Variants in KLB observed in about 807,000 individuals in gnomAD.
KLB encodes the protein klotho beta.
In KLB, 44 loss-of-function variants were observed where a neutral mutation model predicts 88.4. That is an observed-to-expected ratio of 0.50 (90% CI 0.39 to 0.64). The LOEUF (loss-of-function observed/expected upper bound fraction) is 0.64, where lower values mean the gene tolerates loss of function less well. Among genes scored for constraint, KLB ranks in the 30% least tolerant of loss-of-function variants. The probability of loss-of-function intolerance (pLI) is 0.00; values close to 1 mark genes in which losing one functional copy is unlikely to be tolerated. For missense variants in KLB, 1,137 were observed against 1,304.8 expected, an observed-to-expected ratio of 0.87 and a Z score of 1.98; for synonymous variants, 548 against 513.4, an observed-to-expected ratio of 1.07 and a Z score of -0.91.
chr4:39,432,132 C>T (rs1420442414), intron 1 of KLB, among the ~76,000 whole-genome samples: 1 of 152,098 alleles, frequency 6.6e-6, no homozygotes, highest in East Asian at 1.9e-4. Flanking sequence ...ACTAAAAATA[C>T]AAAAATTAAC....
At position 39,448,692 on chromosome 4, in the gene KLB, T is replaced by C. The variant is rs530647446; in HGVS notation, c.*6T>C. On this transcript the variant is annotated 3_prime_UTR_variant, in exon 5 of 5. Coordinates refer to ENST00000257408, the MANE Select transcript of KLB (RefSeq NM_175737.4). ...GCAAGAGAGTTGTTAGCTAAACTGA[T>C]CTGTCTGCATGATAGACAGTTTAAA... 1 of 1,602,960 alleles carries C rather than the reference T, an allele frequency of 6.2e-7. No homozygotes were observed. The highest frequency in any genetic ancestry group is 1.1e-5 in the South Asian group (1 of 90,758).
intron 1 of KLB, among the ~76,000 whole-genome samples, chr4:39,417,082 T>C (rs930321060): frequency 7.0e-5 from 8 of 114,086 alleles, no homozygotes; most frequent in Non-Finnish European, 1.3e-4. Context: ...TCTGAAATTA[T>C]TTTCTTTAAT....
chr4:39,445,676 G>GTT (rs1297506631), intron 3 of KLB, among the ~76,000 whole-genome samples: 8 of 82,924 alleles, frequency 9.6e-5, no homozygotes, highest in African/African-American at 2.6e-4. Context: ...GGCTAATCTT[G>GTT]TTTTTTTGTT....
At chr4:39,409,473 G>T (rs1032932158) in intron 1 of KLB, among the ~76,000 whole-genome samples, 1 of 150,886 alleles carries the variant, frequency 6.6e-6, no homozygotes, top group African/African-American at 2.4e-5. Context: ...TGTGTTTTTA[G>T]TAGAGAGGGG....
chr4:39,444,148 A>G (rs998434353), intron 3 of KLB, among the ~76,000 whole-genome samples: 2 of 151,944 alleles, frequency 1.3e-5, no homozygotes, highest in South Asian at 4.2e-4. Flanking sequence ...CAAGAACAAA[A>G]CTCCGTCTCA....
chr4:39,423,306 A>G (rs1025811845), intron 1 of KLB, among the ~76,000 whole-genome samples: 3 of 151,896 alleles, frequency 2.0e-5, no homozygotes, highest in African/African-American at 7.3e-5. Flanking sequence ...AAATTTGCTG[A>G]CAGGTCCTCC....
intron 3 of KLB, among the ~76,000 whole-genome samples, chr4:39,445,223 G>T (rs1384127562): frequency 1.3e-5 from 2 of 152,104 alleles, no homozygotes; most frequent in African/African-American, 4.8e-5. Flanking sequence ...CACCTGTGAG[G>T]TGGGTGCGAT....
intron 1 of KLB, among the ~76,000 whole-genome samples, chr4:39,425,179 C>A (rs943622968): frequency 6.6e-6 from 1 of 152,190 alleles, no homozygotes; most frequent in African/African-American, 2.4e-5. Context: ...TGATTTCTTC[C>A]AATTTCTAAT....
At chr4:39,425,322 T>C (rs1001477171) in intron 1 of KLB, among the ~76,000 whole-genome samples, 2 of 152,264 alleles carry the variant, frequency 1.3e-5, no homozygotes, top group Non-Finnish European at 2.9e-5. Flanking sequence ...AAATCAGAAT[T>C]CTTTAACAGG....
Position 39,438,044 on chromosome 4 carries a change from A to T in KLB, c.1605+49A>T, listed in dbSNP as rs1170773674. 3.3e-6 allele frequency: 5 copies of T among 1,535,126 alleles called. No homozygotes were observed. In the East Asian group the frequency reaches 9.0e-5, roughly 28 times the overall value. On this transcript the variant is annotated intron_variant, in intron 3 of 4. Transcript: ENST00000257408. ...CCATAAACTGGGAAAAACAGTACAC[A>T]CTATTTCATTTACTCAATGACAGCT...
chr4:39,411,465 G>A (rs1483782134), intron 1 of KLB, among the ~76,000 whole-genome samples: 4 of 148,396 alleles, frequency 2.7e-5, no homozygotes, highest in African/African-American at 1.0e-4. Context: ...TCAGTCTCCC[G>A]TCAAAGCTGT....
In KLB at chr4:39,445,373, A is replaced by G. The variant is rs190557605; in HGVS notation, c.1606-959A>G. ...GTGTCAACCTTGGGAGTTTCTAGGGATAGTCTACTGTCCTTTCCACCCATA... is the reference window on the plus strand; with the variant it reads ...GTGTCAACCTTGGGAGTTTCTAGGGGTAGTCTACTGTCCTTTCCACCCATA... On this transcript the variant is annotated intron_variant, in intron 3 of 4. Transcript: ENST00000257408. Among the ~76,000 whole-genome samples, 96 of 152,280 alleles carry G rather than the reference A, an allele frequency of 6.3e-4. No individual in the cohort carries two copies. The East Asian group carries it at 8.7e-3, about 14-fold the overall frequency.
chr4:39,411,848 A>G (rs1250702187), intron 1 of KLB: 1 of 151,894 alleles, frequency 6.6e-6, no homozygotes, highest in East Asian at 2.0e-4. Flanking sequence ...AATAATATCT[A>G]TGTATTCTAA....
chr4:39,447,573 C>A (rs1743786380), intron 4 of KLB, 98 bp downstream of exon 4: 6 of 1,006,874 alleles, frequency 6.0e-6, no homozygotes, highest in African/African-American at 1.6e-5. Context: ...TGACAGCATC[C>A]AATTTGTGGC....
rs553478054 is a variant in KLB, at chr4:39,430,424, G to A, written c.826-3786G>A. Among the ~76,000 whole-genome samples the A allele has an allele frequency of 3.7e-4, 24 of 65,178 alleles. No individual in the cohort carries two copies. In the East Asian group the frequency reaches 4.0e-3, roughly 11 times the overall value. The allele number at this position is 65,178 out of a possible 152,430, so 42.8% of individuals were successfully genotyped here. On this transcript the variant is annotated intron_variant, in intron 1 of 4. Transcript: ENST00000257408. ...TTTCTAATTAGAAAAAAAAAAAAGC[G>A]GTTCTCAAGAATTTCTGTCGTGATT...
At chr4:39,432,377 G>C (rs1743383620) in intron 1 of KLB, among the ~76,000 whole-genome samples, 1 of 152,148 alleles carries the variant, frequency 6.6e-6, no homozygotes, top group Non-Finnish European at 1.5e-5. Flanking sequence ...GAGGGGAAGA[G>C]AGTGGTTCTG....
intron 3 of KLB, among the ~76,000 whole-genome samples, chr4:39,445,684 GTT>G (rs67319815): frequency 1.5e-4 from 14 of 94,944 alleles, no homozygotes; most frequent in Non-Finnish European, 2.1e-4. Context: ...TTGTTTTTTT[GTT>G]TTTTTTTTTT....
chr4:39,420,813 A>T (rs953486636), intron 1 of KLB, among the ~76,000 whole-genome samples: 5 of 152,152 alleles, frequency 3.3e-5, no homozygotes, highest in African/African-American at 1.2e-4. Flanking sequence ...ACCATGCCCA[A>T]CCCAACTTTT....
chr4:39,434,840 G>A (rs1401107773), intron 2 of KLB, 120 bp downstream of exon 2: 15 of 793,432 alleles, frequency 1.9e-5, no homozygotes, highest in Admixed American at 3.0e-5. Flanking sequence ...GGAGTTTCTC[G>A]CTGTCTCCCA....
Sources: allele counts gnomAD v4.1 joint callset (sites outside exome capture counted in the v4.1 genomes callset), GRCh38; gene constraint gnomAD v4.1.1; transcripts MANE v1.5; gene names NCBI Gene and HGNC (gene_info 2026-07-23, HGNC 2026-07-21).